The following SGCD variants were observed in gnomAD, a reference collection of about 807,000 sequenced individuals.
The protein encoded by SGCD is sarcoglycan delta, also known as delta-sarcoglycan.
Under a neutral mutation model 36.6 loss-of-function variants are expected in SGCD, and 18 were observed. The observed-to-expected ratio is 0.49, with a 90% CI of 0.34 to 0.73. The LOEUF is 0.73. Ranked by LOEUF, SGCD falls within the 30% of genes least tolerant of loss-of-function variation. SGCD has a pLI of 0.01. For synonymous variants in SGCD, 133 were observed against 130.6 expected, an observed-to-expected ratio of 1.02 and a Z score of -0.12; for missense variants, 387 against 346.7, an observed-to-expected ratio of 1.12 and a Z score of -0.92.
At chr5:155,736,204 C>T in the SGCD span, among the ~76,000 whole-genome samples, 2 of 152,262 alleles carry the variant, frequency 1.3e-5, no homozygotes, top group Non-Finnish European at 2.9e-5. Context: ...TGTAATATAT[C>T]GCACATGCTC....
chr5:156,488,543 T>C (rs1036499786), intron 3 of SGCD, among the ~76,000 whole-genome samples: 1 of 151,992 alleles, frequency 6.6e-6, no homozygotes, highest in Non-Finnish European at 1.5e-5. Flanking sequence ...CAGCCAAGAA[T>C]ACTCTACCTA....
chr5:155,745,699 TG>T, the SGCD span, among the ~76,000 whole-genome samples: 1 of 152,064 alleles, frequency 6.6e-6, no homozygotes, highest in Non-Finnish European at 1.5e-5. Context: ...AACAACCTCT[TG>T]GAAAATGGGC....
At chr5:155,999,391 C>T (rs1276618025) in intron 1 of SGCD, among the ~76,000 whole-genome samples, 4 of 152,198 alleles carry the variant, frequency 2.6e-5, no homozygotes, top group South Asian at 4.1e-4. Context: ...CCCACAGGGA[C>T]TCAATACATG....
intron 3 of SGCD, among the ~76,000 whole-genome samples, chr5:156,387,860 C>T (rs1204710472): frequency 1.3e-5 from 2 of 152,140 alleles, no homozygotes; most frequent in African/African-American, 4.8e-5. Flanking sequence ...CCTATGGCCA[C>T]GTTCGTATTA....
chr5:156,393,199 T>C (rs1771675099), intron 3 of SGCD, among the ~76,000 whole-genome samples: 1 of 152,324 alleles, frequency 6.6e-6, no homozygotes, highest in African/African-American at 2.4e-5. Flanking sequence ...CATGCTTGAA[T>C]AAATGAAATG....
intron 1 of SGCD, among the ~76,000 whole-genome samples, chr5:155,923,836 C>T (rs186902189): frequency 2.6e-4 from 40 of 152,172 alleles, no homozygotes; most frequent in African/African-American, 9.4e-4. Flanking sequence ...ATTTTTTTCA[C>T]GTATCACCAT....
chr5:155,736,234 A>C, the SGCD span, among the ~76,000 whole-genome samples: 1 of 152,204 alleles, frequency 6.6e-6, no homozygotes, highest in African/African-American at 2.4e-5. Context: ...CATTATAATC[A>C]GAGCTGACAA....
At chr5:156,460,606 GTGAC>G (rs1179672130) in intron 3 of SGCD, among the ~76,000 whole-genome samples, 1 of 152,142 alleles carries the variant, frequency 6.6e-6, no homozygotes, top group Non-Finnish European at 1.5e-5. Context: ...GAATGAGTTA[GTGAC>G]TGACTGACTG....
chr5:156,141,516 A>T (rs1762580908), intron 3 of SGCD, among the ~76,000 whole-genome samples: 1 of 152,206 alleles, frequency 6.6e-6, no homozygotes, highest in African/African-American at 2.4e-5. Flanking sequence ...AGGGTCAAAG[A>T]AGATTATTAT....
chr5:156,308,236 G>C (rs868786183), intron 3 of SGCD, among the ~76,000 whole-genome samples: 1 of 152,014 alleles, frequency 6.6e-6, no homozygotes, highest in African/African-American at 2.4e-5. Context: ...GGAGGGCAAA[G>C]GGAAAGCAAG....
chr5:155,935,092 A>C (rs980443192), intron 1 of SGCD, among the ~76,000 whole-genome samples: 1 of 152,194 alleles, frequency 6.6e-6, no homozygotes, highest in Non-Finnish European at 1.5e-5. Context: ...CTAAGTCCCT[A>C]GTGATTTTTG....
chr5:156,544,878 A>G (rs1212234831), intron 4 of SGCD, among the ~76,000 whole-genome samples: 1 of 152,220 alleles, frequency 6.6e-6, no homozygotes, highest in African/African-American at 2.4e-5. Context: ...TTATGAGGAA[A>G]GGAAACATCG....
intron 5 of SGCD, among the ~76,000 whole-genome samples, chr5:156,594,681 T>C (rs1297173157): frequency 6.6e-6 from 1 of 152,208 alleles, no homozygotes; most frequent in Non-Finnish European, 1.5e-5. Flanking sequence ...AAGGGCTTGC[T>C]GGTCTTCAAA....
chr5:156,391,601 A>C (rs566259815), intron 3 of SGCD, among the ~76,000 whole-genome samples: 1 of 152,380 alleles, frequency 6.6e-6, no homozygotes, highest in Admixed American at 6.5e-5. Context: ...TTAGGCATTA[A>C]AAATAATCTA....
chr5:156,487,769 C>T (rs1464628271), intron 3 of SGCD, among the ~76,000 whole-genome samples: 1 of 105,390 alleles, frequency 9.5e-6, no homozygotes, highest in Non-Finnish European at 1.8e-5. Context: ...GCCTGGGCAA[C>T]AGAGTGAGAC....
chr5:155,872,624 A>C (rs1755678723), intron 1 of SGCD, among the ~76,000 whole-genome samples: 1 of 152,176 alleles, frequency 6.6e-6, no homozygotes, highest in Non-Finnish European at 1.5e-5. Flanking sequence ...TTTGCCATCT[A>C]TTGAATAGCT....
chr5:156,706,449 G>A (rs1033688256), intron 7 of SGCD, among the ~76,000 whole-genome samples: 7 of 151,998 alleles, frequency 4.6e-5, no homozygotes, highest in Middle Eastern at 3.4e-3. Flanking sequence ...CCTTAACCCC[G>A]CCTTAAGACC....
At chr5:155,958,803 A>T (rs1228662048) in intron 1 of SGCD, among the ~76,000 whole-genome samples, 4 of 152,106 alleles carry the variant, frequency 2.6e-5, no homozygotes, top group Non-Finnish European at 5.9e-5. Flanking sequence ...AACTGAAGTT[A>T]TGCGTGCGGG....
At chr5:156,731,225 G>A (rs769101180) in intron 7 of SGCD, among the ~76,000 whole-genome samples, 39 of 152,088 alleles carry the variant, frequency 2.6e-4, no homozygotes, top group Non-Finnish European at 8.8e-5. Flanking sequence ...TCTGTTGATA[G>A]TTTGTTTCTT....
Sources: allele counts gnomAD v4.1 joint callset (sites outside exome capture counted in the v4.1 genomes callset), GRCh38; gene constraint gnomAD v4.1.1; transcripts MANE v1.5; gene names NCBI Gene and HGNC (gene_info 2026-07-23, HGNC 2026-07-21).